The following SV2B variants were observed in gnomAD, a reference collection of about 807,000 sequenced individuals.
SV2B encodes solute carrier family 22 member B2.
In SV2B, 41 loss-of-function variants were observed where a neutral mutation model predicts 73.9. The observed-to-expected ratio is 0.56, with a 90% CI of 0.43 to 0.72. The LOEUF (loss-of-function observed/expected upper bound fraction) is 0.72, where lower values mean the gene tolerates loss of function less well. SV2B is among the 30% of genes least tolerant of loss of function. The pLI is 0.00. For synonymous variants in SV2B, 314 were observed against 314.2 expected (o/e 1.00, Z 0.01); for missense variants, 764 against 857.8 (o/e 0.89, Z 1.37).
rs897753405 is a variant in SV2B at position 91,202,045 on chromosome 15, A to C, written c.-391-23828A>C. 2.6e-5 allele frequency among the ~76,000 whole-genome samples: 4 copies of C among 152,202 alleles called. No individual in the cohort carries two copies. In the South Asian group the frequency reaches 8.3e-4, roughly 32 times the overall value. On this transcript the variant is annotated intron_variant, in intron 1 of 12. Transcript: ENST00000394232. The stretch of plus-strand genomic sequence containing the variant: ...TTTACTCAACGTAGTCTTTCTTCAA[A>C]TATCTGCATGGCTCACTCCCTGCTT...
intron 1 of SV2B, among the ~76,000 whole-genome samples, chr15:91,101,036 G>T (rs2041708509): frequency 1.3e-5 from 2 of 152,232 alleles, no homozygotes; most frequent in African/African-American, 2.4e-5. Flanking sequence ...CCAGGGTTCA[G>T]CAGGGCTGAT....
rs1037128273 is a variant in SV2B, at chr15:91,132,527, T to C, written c.-392+32164T>C. Among the ~76,000 whole-genome samples the C allele has an allele frequency of 1.3e-5, 2 of 152,234 alleles. No homozygotes were observed. The highest frequency in any genetic ancestry group is 4.8e-5 in the African/African-American group (2 of 41,460). On this transcript the variant is annotated intron_variant, in intron 1 of 12. Coordinates refer to ENST00000394232, the MANE Select transcript of SV2B (RefSeq NM_001323032.3). The surrounding 1 kb of genome is among the most constrained non-coding windows in gnomAD (Gnocchi z 4.6). ...AGACGGGACCCTCATTCAGTCTGAT[T>C]TATTGCAGACAGCCAATTTTCCATC...
intron 6 of SV2B, among the ~76,000 whole-genome samples, chr15:91,263,547 GACAC>G (rs1483940362): frequency 2.0e-5 from 3 of 149,850 alleles, no homozygotes; most frequent in Admixed American, 1.3e-4. Context: ...CATTAAGACA[GACAC>G]ACAGACACAG....
intron 9 of SV2B, among the ~76,000 whole-genome samples, chr15:91,271,579 T>G (rs1377395427): frequency 1.3e-5 from 2 of 152,226 alleles, no homozygotes; most frequent in Non-Finnish European, 2.9e-5. Flanking sequence ...GTACATGTTT[T>G]TTAACCAACA....
At chr15:91,254,889 C>T (rs1355984805) in intron 4 of SV2B, among the ~76,000 whole-genome samples, 1 of 152,162 alleles carries the variant, frequency 6.6e-6, no homozygotes, top group African/African-American at 2.4e-5. Flanking sequence ...GAAAGCCCGC[C>T]CTCACACTTG....
intron 9 of SV2B, among the ~76,000 whole-genome samples, chr15:91,271,725 G>A (rs1365105784): frequency 6.6e-6 from 1 of 152,086 alleles, no homozygotes; most frequent in Non-Finnish European, 1.5e-5. Context: ...GGAATGAAAG[G>A]AGCCTGGCTT....
rs555926912 is a variant in SV2B, at chr15:91,284,051, G to T, written c.1538G>T (p.Arg513Leu). 1.9e-6 allele frequency: 3 copies of T among 1,614,106 alleles called. No individual in the cohort carries two copies. Among genetic ancestry groups the T allele is most frequent in the South Asian group, 2.2e-5 (2 of 91,068 alleles). ...DLYEHKFINCRFINSTFLEQK... is the reference protein window; with the variant it reads ...DLYEHKFINCLFINSTFLEQK... Reference sequence around the variant, plus strand: ...TACGAGCACAAGTTCATCAACTGTCGGTTTATCAACTCCACCTTCCTGGAG... The same window carrying T: ...TACGAGCACAAGTTCATCAACTGTCTGTTTATCAACTCCACCTTCCTGGAG... Residue 513 changes from arginine to leucine, a missense_variant, in exon 11 of 13, where the codon CGG becomes CTG. Coordinates refer to ENST00000394232, the MANE Select transcript of SV2B (RefSeq NM_001323032.3). This position sits in a 1 kb window ranked among gnomAD's most constrained non-coding sequence, Gnocchi z 4.5.
intron 9 of SV2B, among the ~76,000 whole-genome samples, chr15:91,271,705 A>G (rs2048323001): frequency 6.6e-6 from 1 of 152,118 alleles, no homozygotes; most frequent in Non-Finnish European, 1.5e-5. Context: ...AACCTTTGAA[A>G]GCGATCTAAG....
In SV2B at chr15:91,283,717, G is replaced by A. The variant is rs769306550; in HGVS notation, c.1508-304G>A. Among the ~76,000 whole-genome samples the A allele has an allele frequency of 3.9e-5, 6 of 152,182 alleles. No individual in the cohort carries two copies. Among genetic ancestry groups the A allele is most frequent in the Non-Finnish European group, 7.4e-5 (5 of 68,010 alleles). On this transcript the variant is annotated intron_variant, in intron 10 of 12. Coordinates refer to ENST00000394232, the MANE Select transcript of SV2B (RefSeq NM_001323032.3). This position sits in a 1 kb window ranked among gnomAD's most constrained non-coding sequence, Gnocchi z 4.3. ...GATCCTCCTACCTCGGCCTCCTCAAGTGCTGGGATTACAGATGTGGGCCAC... is the reference window on the plus strand; with the variant it reads ...GATCCTCCTACCTCGGCCTCCTCAAATGCTGGGATTACAGATGTGGGCCAC...
At chr15:91,164,891 G>A (rs1567305833) in intron 1 of SV2B, among the ~76,000 whole-genome samples, 1 of 152,212 alleles carries the variant, frequency 6.6e-6, no homozygotes, top group Non-Finnish European at 1.5e-5. Context: ...ATTGGGATTG[G>A]ATAGGACAGA....
At position 91,220,259 on chromosome 15, in the gene SV2B, A is replaced by G. The variant is rs1296995294; in HGVS notation, c.-391-5614A>G. 1.3e-5 allele frequency among the ~76,000 whole-genome samples: 2 copies of G among 152,362 alleles called. No homozygotes were observed. The highest frequency in any genetic ancestry group is 3.9e-4 in the East Asian group (2 of 5,190). On this transcript the variant is annotated intron_variant, in intron 1 of 12. Transcript: ENST00000394232. The surrounding 1 kb of genome is among the most constrained non-coding windows in gnomAD (Gnocchi z 4.1). ...GGTTCCAGTTCATCACATTCTAGCC[A>G]ACACTTGCTATTGTCTGTCTGTTGA...
At position 91,204,718 on chromosome 15, in the gene SV2B, C is replaced by T. The variant is rs185383176; in HGVS notation, c.-391-21155C>T. Among the ~76,000 whole-genome samples, 432 of 151,892 alleles carry T rather than the reference C, an allele frequency of 2.8e-3. 3 individuals carry two copies. The highest frequency in any genetic ancestry group is 7.0e-3 in the Admixed American group (107 of 15,248). The stretch of plus-strand genomic sequence containing the variant: ...GACTACAGACATGAGTCACCATGCC[C>T]GGCTAATTTTTAAATTTTTTGTAGA... On this transcript the variant is annotated intron_variant, in intron 1 of 12. Coordinates refer to ENST00000394232, the MANE Select transcript of SV2B (RefSeq NM_001323032.3).
intron 1 of SV2B, among the ~76,000 whole-genome samples, chr15:91,165,878 G>T (rs1373292433): frequency 6.6e-6 from 1 of 152,054 alleles, no homozygotes; most frequent in Admixed American, 6.5e-5. Flanking sequence ...AACTTCATTT[G>T]TTGTCTCTTT....
rs1027921973 is a variant in SV2B, at chr15:91,302,273, C to T, written c.*9721C>T. 1.3e-5 allele frequency among the ~76,000 whole-genome samples: 2 copies of T among 151,826 alleles called. No individual in the cohort carries two copies. Among genetic ancestry groups the T allele is most frequent in the Admixed American group, 6.6e-5 (1 of 15,244 alleles). ...GTTAATTCTCAGATTGATTCAAATGCGGACTTAACACTGCAGCTGTAACTC... is the reference window on the plus strand; with the variant it reads ...GTTAATTCTCAGATTGATTCAAATGTGGACTTAACACTGCAGCTGTAACTC... On this transcript the variant is annotated 3_prime_UTR_variant, in exon 13 of 13. Coordinates refer to ENST00000394232, the MANE Select transcript of SV2B (RefSeq NM_001323032.3).
intron 1 of SV2B, among the ~76,000 whole-genome samples, chr15:91,142,379 C>T (rs987664456): frequency 8.5e-5 from 13 of 152,144 alleles, no homozygotes; most frequent in East Asian, 7.7e-4. Context: ...GAACAACTTC[C>T]TGAAAAAAGT....
rs1175909545 is a variant in SV2B at position 91,280,184 on chromosome 15, A to C, written c.1374-1544A>C. On this transcript the variant is annotated intron_variant, in intron 9 of 12. Coordinates refer to ENST00000394232, the MANE Select transcript of SV2B (RefSeq NM_001323032.3). The surrounding 1 kb of genome is among the most constrained non-coding windows in gnomAD (Gnocchi z 5.8). ...CTTCTTGTGTGGGGTCTTTTAGCAGAAGCTAATGATTGGCAGCTCTAGATT... is the reference window on the plus strand; with the variant it reads ...CTTCTTGTGTGGGGTCTTTTAGCAGCAGCTAATGATTGGCAGCTCTAGATT... Among the ~76,000 whole-genome samples the C allele has an allele frequency of 6.6e-6, 1 of 152,182 alleles. No individual in the cohort carries two copies. The highest frequency in any genetic ancestry group is 1.5e-5 in the Non-Finnish European group (1 of 68,036).
chr15:91,119,112 A>C (rs970189669), intron 1 of SV2B, among the ~76,000 whole-genome samples: 3 of 152,154 alleles, frequency 2.0e-5, no homozygotes, highest in Non-Finnish European at 2.9e-5. Context: ...AAAATACATA[A>C]ATAAAATGCT....
chr15:91,243,351 A>G (rs2047096835), intron 2 of SV2B, among the ~76,000 whole-genome samples: 1 of 152,162 alleles, frequency 6.6e-6, no homozygotes, highest in Non-Finnish European at 1.5e-5. Context: ...CTTTTCTGAA[A>G]CATCTCTAGT....
chr15:91,159,756 T>A (rs1454968728), intron 1 of SV2B, among the ~76,000 whole-genome samples: 1 of 152,186 alleles, frequency 6.6e-6, no homozygotes, highest in East Asian at 1.9e-4. Flanking sequence ...TTATTATTTG[T>A]CAAATAAATA....
Sources: allele counts gnomAD v4.1 joint callset (sites outside exome capture counted in the v4.1 genomes callset), GRCh38; gene constraint gnomAD v4.1.1; non-coding constraint Gnocchi (gnomAD v3.1); transcripts MANE v1.5; gene names NCBI Gene and HGNC (gene_info 2026-07-23, HGNC 2026-07-21).